The following ZNF37A variants were observed in gnomAD, a reference collection of about 807,000 sequenced individuals.
The protein encoded by ZNF37A is zinc finger protein 37a (KOX 21).
In ZNF37A, 10 loss-of-function variants were observed where a neutral mutation model predicts 12.3. That is an observed-to-expected ratio of 0.82 (90% CI 0.50 to 1.38). The LOEUF is 1.38. Ranked by LOEUF, ZNF37A falls within the 40% of genes most tolerant of loss-of-function variation. The pLI, the probability that ZNF37A is intolerant of heterozygous loss-of-function variation, is 0.00. For synonymous variants in ZNF37A, 207 were observed against 223.0 expected, an observed-to-expected ratio of 0.93 and a Z score of 0.64; for missense variants, 580 against 651.2, an observed-to-expected ratio of 0.89 and a Z score of 1.19.
At chr10:38,127,638 CTG>C (rs2069947964), downstream of ZNF37A, among the ~76,000 whole-genome samples, 1 of 152,168 alleles carries the variant, frequency 6.6e-6, no homozygotes, top group Non-Finnish European at 1.5e-5. Flanking sequence ...CCTCCTACAT[CTG>C]TCTCTGGTTC....
downstream of ZNF37A, among the ~76,000 whole-genome samples, chr10:38,126,431 G>T (rs957125945): frequency 6.6e-6 from 1 of 152,114 alleles, no homozygotes; most frequent in African/African-American, 2.4e-5. Flanking sequence ...CTTTAGTTGG[G>T]AGAGAGACAG....
chr10:38,102,529 T>C (rs1354154254), intron 5 of ZNF37A, among the ~76,000 whole-genome samples: 1 of 152,198 alleles, frequency 6.6e-6, no homozygotes, highest in Non-Finnish European at 1.5e-5. Flanking sequence ...CATAGATGCA[T>C]AATTATTGTT....
chr10:38,112,730 A>ATTTTCTTTTCTTTTCTTTTC (rs545261135), intron 5 of ZNF37A, among the ~76,000 whole-genome samples: 12 of 77,500 alleles, frequency 1.5e-4, no homozygotes, highest in African/African-American at 5.2e-4. Flanking sequence ...TTTTACATCC[A>ATTTTCTTTTCTTTTCTTTTC]TTTTCTTTTC....
In ZNF37A at chr10:38,117,948, C is replaced by T. The variant is rs764079308; in HGVS notation, c.797C>T (p.Thr266Ile). Residue 266 changes from threonine (T) to isoleucine (I), a missense_variant, in exon 8 of 8, where the codon ACA (threonine) becomes ATA (isoleucine). Thr to Ile is a moderately conservative substitution (Grantham distance 89). Transcript: ENST00000685332. ...LVLHLQQRTH[T>I]GEKPYECHEC... is the part of the protein sequence containing the mutation. ...CTTCATTTACAACAGAGAACACATA[C>T]AGGAGAAAAACCTTATGAATGTCAT... 6.2e-7 allele frequency: 1 copy of T among 1,613,748 alleles called. No homozygotes were observed. The highest frequency in any genetic ancestry group is 1.3e-5 in the African/African-American group (1 of 74,896).
chr10:38,137,875 G>T (rs2070131026), intron 7 of ZNF37A: 1 of 152,130 alleles, frequency 6.6e-6, no homozygotes. Context: ...TTGGTATTTT[G>T]TACTTTGCCA....
At chr10:38,098,721 T>C (rs2067334083) in intron 5 of ZNF37A, among the ~76,000 whole-genome samples, 2 of 152,208 alleles carry the variant, frequency 1.3e-5, no homozygotes, top group Non-Finnish European at 2.9e-5. Context: ...TAAAGTTTTA[T>C]TGAGACTCAG....
intron 7 of ZNF37A, among the ~76,000 whole-genome samples, chr10:38,145,219 A>G (rs898324209): frequency 6.6e-5 from 10 of 152,226 alleles, no homozygotes; most frequent in Admixed American, 3.3e-4. Context: ...ATCCAGGGAA[A>G]AAAAGGATCA....
intron 5 of ZNF37A, among the ~76,000 whole-genome samples, chr10:38,099,147 G>A (rs765917612): frequency 3.9e-5 from 6 of 152,050 alleles, no homozygotes; most frequent in Non-Finnish European, 7.4e-5. Context: ...TTTTGTTTTA[G>A]CAATCTTAAC....
intron 5 of ZNF37A, among the ~76,000 whole-genome samples, chr10:38,108,363 AG>A (rs1411714669): frequency 1.3e-5 from 2 of 152,220 alleles, no homozygotes; most frequent in African/African-American, 4.8e-5. Context: ...TCTAGAGGGA[AG>A]TTTGTAGCAC....
intron 5 of ZNF37A, among the ~76,000 whole-genome samples, chr10:38,098,172 TATTC>T (rs1224983726): frequency 6.6e-6 from 1 of 152,224 alleles, no homozygotes; most frequent in African/African-American, 2.4e-5. Context: ...GACTGAACAA[TATTC>T]TATTATATGG....
chr10:38,139,815 T>G (rs940318299), intron 7 of ZNF37A: 1 of 152,220 alleles, frequency 6.6e-6, no homozygotes, highest in Non-Finnish European at 1.5e-5. Context: ...CATTGATCTA[T>G]TCATATTTAT....
rs1165298329 is a variant in ZNF37A at position 38,123,986 on chromosome 10, A to G, written c.*5149A>G. ...ATCCCACAATTCCACTGGTAGTTAT[A>G]TACCCCAAAGACAGGAAATCAGTAT... is the stretch of plus-strand genomic sequence containing the variant. On this transcript the variant is annotated 3_prime_UTR_variant, in exon 8 of 8. Transcript: ENST00000685332. 6.6e-6 allele frequency: 1 copy of G among 152,224 alleles called. No individual in the cohort carries two copies. Among genetic ancestry groups the G allele is most frequent in the Non-Finnish European group, 1.5e-5 (1 of 68,040 alleles). 9.4% of individuals were successfully genotyped at this position (152,224 alleles called of 1,614,324 possible).
intron 5 of ZNF37A, among the ~76,000 whole-genome samples, chr10:38,112,763 T>TG (rs1564932137): frequency 2.0e-4 from 13 of 63,746 alleles, no homozygotes; most frequent in African/African-American, 6.3e-4. Flanking sequence ...TTCTTTTCTT[T>TG]TCTTTTCTTT....
chr10:38,096,544 C>T lies in ZNF37A; in HGVS notation c.-44-30C>T, dbSNP rs954221847. The T allele has an allele frequency of 2.0e-5, 30 of 1,521,396 alleles. No individual in the cohort carries two copies. In the African/African-American group the frequency reaches 3.3e-4, roughly 17 times the overall value. 94.2% of individuals were successfully genotyped at this position (1,521,396 alleles called of 1,614,324 possible). ...GAAGTGGACCTTTTAAGGCAAGTGACATCACTCATGATCTTTTCTTATTTC... is the reference window on the plus strand; with the variant it reads ...GAAGTGGACCTTTTAAGGCAAGTGATATCACTCATGATCTTTTCTTATTTC... On this transcript the variant is annotated intron_variant, in intron 4 of 7. Coordinates refer to ENST00000685332, the MANE Select transcript of ZNF37A (RefSeq NM_001324250.3).
intron 5 of ZNF37A, among the ~76,000 whole-genome samples, chr10:38,113,572 C>T (rs1331376695): frequency 6.6e-6 from 1 of 152,200 alleles, no homozygotes; most frequent in Non-Finnish European, 1.5e-5. Flanking sequence ...GCACTCTCCC[C>T]TCCTGCAACA....
chr10:38,132,637 T>G (rs994500312), intron 7 of ZNF37A, among the ~76,000 whole-genome samples: 1 of 152,162 alleles, frequency 6.6e-6, no homozygotes, highest in African/African-American at 2.4e-5. Context: ...CTTGCCCTGC[T>G]GTAGGTTAAT....
In ZNF37A at chr10:38,118,484, G is replaced by A. The variant is rs141116320; in HGVS notation, c.1333G>A (p.Gly445Arg). Residue 445 changes from glycine (G) to arginine (R), a missense_variant, in exon 8 of 8, where the codon GGA becomes AGA. By Grantham distance (125) the Gly-to-Arg change is moderately radical. Transcript: ENST00000685332. ...GEKPYECIQC[G>R]KFFCYYSGFT... ...GAAACCTTATGAATGTATTCAGTGT[G>A]GAAAATTTTTCTGCTACTACTCCGG... is the stretch of plus-strand genomic sequence containing the variant. 1 of 1,613,842 alleles carries A rather than the reference G, an allele frequency of 6.2e-7. No individual in the cohort carries two copies. The highest frequency in any genetic ancestry group is 1.3e-5 in the African/African-American group (1 of 74,898).
At position 38,118,653 on chromosome 10, in the gene ZNF37A, G is replaced by A. The variant is rs1158731172; in HGVS notation, c.1502G>A (p.Gly501Glu). ...RQKPYGCNQC[G>E]KSFCVKSKLI... ...AAACCCTATGGATGTAATCAATGTG[G>A]AAAATCATTCTGTGTGAAGTCAAAA... is the stretch of plus-strand genomic sequence containing the variant. The change falls in exon 8 of 8, where the codon GGA (glycine) becomes GAA (glutamate). Residue 501 changes from glycine to glutamate, a missense_variant. Physicochemically the swap from Gly to Glu is moderately conservative, Grantham distance 98. Transcript: ENST00000685332. The A allele has an allele frequency of 3.1e-6, 5 of 1,613,642 alleles. No homozygotes were observed. The South Asian group carries it at 3.3e-5, about 11-fold the overall frequency.
rs1460562528 is a variant in ZNF37A, at chr10:38,115,277, C to T, written c.225C>T (p.Ser75=). The T allele has an allele frequency of 5.0e-6, 8 of 1,613,316 alleles. No homozygotes were observed. Among genetic ancestry groups the T allele is most frequent in the Non-Finnish European group, 6.8e-6 (8 of 1,179,724 alleles). ...EPWILEEKFP[S]QSHLELINTS... ...GGATATTAGAGGAAAAATTTCCAAGCCAGAGTCATCTGGGTGAGTTAGTAT... is the reference window on the plus strand; with the variant it reads ...GGATATTAGAGGAAAAATTTCCAAGTCAGAGTCATCTGGGTGAGTTAGTAT... Residue 75 remains serine, a synonymous_variant, in exon 7 of 8, where the codon AGC becomes AGT. Coordinates refer to ENST00000685332, the MANE Select transcript of ZNF37A (RefSeq NM_001324250.3).
Sources: allele counts gnomAD v4.1 joint callset (sites outside exome capture counted in the v4.1 genomes callset), GRCh38; gene constraint gnomAD v4.1.1; transcripts MANE v1.5; gene names NCBI Gene and HGNC (gene_info 2026-07-23, HGNC 2026-07-21).